SH3KBP1: variants seen among roughly 807,000 people sequenced by gnomAD.
SH3KBP1 encodes the protein SH3 domain containing kinase binding protein 1.
Under a neutral mutation model 50.1 loss-of-function variants are expected in SH3KBP1, and 8 were observed. The observed-to-expected ratio is 0.16, with a 90% CI of 0.09 to 0.29. The LOEUF is 0.29. Ranked by LOEUF, SH3KBP1 falls within the 10% of genes least tolerant of loss-of-function variation. The pLI is 1.00. For missense variants in SH3KBP1, 377 were observed against 535.2 expected (o/e 0.70, Z 2.92); for synonymous variants, 227 against 218.6 (o/e 1.04, Z -0.34).
chrX:19,686,628 G>A (rs1426952031), intron 5 of SH3KBP1, among the ~76,000 whole-genome samples: 1 of 111,065 alleles, frequency 9.0e-6, no homozygotes, highest in Non-Finnish European at 1.9e-5. Context: ...GTGAGGCACA[G>A]GCGGCACCCT....
intron 2 of SH3KBP1, among the ~76,000 whole-genome samples, chrX:19,750,999 C>A (rs1163993738): frequency 9.0e-6 from 1 of 111,564 alleles, no homozygotes; most frequent in Non-Finnish European, 1.9e-5. Context: ...GTACATCTCA[C>A]CTCCTAAGAA....
chrX:19,547,055 G>A (rs2065105405), intron 14 of SH3KBP1, among the ~76,000 whole-genome samples: 1 of 110,233 alleles, frequency 9.1e-6, no homozygotes, highest in South Asian at 4.0e-4. Context: ...GGGAGGCTGA[G>A]GTGGAAGGAT....
chrX:19,539,719 G>A lies in SH3KBP1; in HGVS notation c.1893-1939C>T, dbSNP rs978495987. 2.7e-5 allele frequency among the ~76,000 whole-genome samples: 3 copies of A among 111,891 alleles called. No homozygotes were observed. In the Admixed American group the frequency reaches 2.8e-4, roughly 11 times the overall value. ...GCTTATTTGGGGATAAGGAGAGCTG[G>A]TGTGGACTTGAGTTGAAGGCTAACA... On this transcript the variant is annotated intron_variant, in intron 16 of 17. Coordinates refer to ENST00000397821, the MANE Select transcript of SH3KBP1 (RefSeq NM_031892.3).
intron 1 of SH3KBP1, among the ~76,000 whole-genome samples, chrX:19,858,156 T>G (rs1372147714): frequency 7.2e-5 from 8 of 110,628 alleles, no homozygotes; most frequent in South Asian, 3.8e-4. Context: ...TCCAGGATAG[T>G]TGACAGAGCA....
intron 2 of SH3KBP1, among the ~76,000 whole-genome samples, chrX:19,832,663 C>T (rs983651785): frequency 9.0e-5 from 10 of 110,588 alleles, no homozygotes; most frequent in African/African-American, 3.3e-4. Context: ...CCCCCAATCT[C>T]ACTCGCATCC....
intron 2 of SH3KBP1, among the ~76,000 whole-genome samples, chrX:19,760,250 G>A (rs776240251): frequency 7.3e-5 from 8 of 109,081 alleles, no homozygotes; most frequent in East Asian, 5.7e-4. Context: ...AGCCAGGCGC[G>A]GTGGCAGGCG....
At chrX:19,673,509 C>T (rs1035675514) in intron 6 of SH3KBP1, among the ~76,000 whole-genome samples, 9 of 111,459 alleles carry the variant, frequency 8.1e-5, no homozygotes, top group East Asian at 5.6e-4. Flanking sequence ...ACCCAGGCAA[C>T]GGCGATCCAG....
intron 1 of SH3KBP1, among the ~76,000 whole-genome samples, chrX:19,838,819 G>A (rs1035551709): frequency 2.8e-5 from 3 of 106,337 alleles, no homozygotes; most frequent in Non-Finnish European, 3.9e-5. Context: ...ACCGGAAGGC[G>A]GAGGTTGCGG....
rs150940622 is a variant in SH3KBP1, at chrX:19,772,235, T to G, written c.163-25794A>C. On this transcript the variant is annotated intron_variant, in intron 2 of 17. Coordinates refer to ENST00000397821, the MANE Select transcript of SH3KBP1 (RefSeq NM_031892.3). ...CAATGATGGTGTCCTCTTTAAAAAC[T>G]CAGTTATTACCAACAATAAGAGAGT... Among the ~76,000 whole-genome samples, 8 of 111,782 alleles carry G rather than the reference T, an allele frequency of 7.2e-5. No homozygotes were observed. The East Asian group carries it at 2.2e-3, about 31-fold the overall frequency.
At chrX:19,868,671 A>T (rs192867523) in intron 1 of SH3KBP1, among the ~76,000 whole-genome samples, 2 of 101,674 alleles carry the variant, frequency 2.0e-5, no homozygotes, top group African/African-American at 7.1e-5. Flanking sequence ...TTGTAAATGC[A>T]CTTTTGACTT....
chrX:19,646,399 C>G (rs980253601), intron 6 of SH3KBP1, among the ~76,000 whole-genome samples: 3 of 111,719 alleles, frequency 2.7e-5, no homozygotes, highest in African/African-American at 9.8e-5. Flanking sequence ...GAGGTCTGTT[C>G]CCACTCTTCC....
rs762138687 is a variant in SH3KBP1, at chrX:19,767,887, G to A, written c.163-21446C>T. 2.7e-5 allele frequency among the ~76,000 whole-genome samples: 3 copies of A among 110,684 alleles called. No individual in the cohort carries two copies. The East Asian group carries it at 8.5e-4, about 31-fold the overall frequency. The stretch of plus-strand genomic sequence containing the variant: ...CAACATCCTCCCTCCCCCCACACCA[G>A]TAGAGTAGCTTAGCTTTAGTTCAAG... On this transcript the variant is annotated intron_variant, in intron 2 of 17. Transcript: ENST00000397821.
chrX:19,537,875 C>A, intron 16 of SH3KBP1, 95 bp from the exon 17 acceptor site: 1 of 711,174 alleles, frequency 1.4e-6, no homozygotes, highest in Non-Finnish European at 2.2e-6. Flanking sequence ...TCCATCTGAT[C>A]CTTTTTTACA....
chrX:19,840,447 T>C lies in SH3KBP1; in HGVS notation c.5-4165A>G, dbSNP rs757973734. Among the ~76,000 whole-genome samples the C allele has an allele frequency of 7.1e-5, 8 of 113,004 alleles. No homozygotes were observed. The East Asian group carries it at 2.2e-3, about 31-fold the overall frequency. On this transcript the variant is annotated intron_variant, in intron 1 of 17. Coordinates refer to ENST00000397821, the MANE Select transcript of SH3KBP1 (RefSeq NM_031892.3). ...ATAAATATATTATACAAATTAATTT[T>C]ACCTTTTTAAAATTTTATTAATGTG...
chrX:19,564,449 T>C (rs1279538184), intron 13 of SH3KBP1, among the ~76,000 whole-genome samples: 1 of 111,087 alleles, frequency 9.0e-6, no homozygotes, highest in African/African-American at 3.3e-5. Context: ...CTTTGGCAAA[T>C]ATCTAATCAC....
chrX:19,549,163 C>T (rs2065169852), intron 14 of SH3KBP1, among the ~76,000 whole-genome samples: 1 of 112,177 alleles, frequency 8.9e-6, no homozygotes, highest in African/African-American at 3.2e-5. Flanking sequence ...GGGAGAAAGG[C>T]ACACAACAGA....
intron 1 of SH3KBP1, among the ~76,000 whole-genome samples, chrX:19,855,854 G>A (rs775443385): frequency 1.2e-4 from 13 of 111,025 alleles, no homozygotes; most frequent in Non-Finnish European, 2.1e-4. Flanking sequence ...ATTGAACTGC[G>A]TGCCAGAAAG....
At chrX:19,731,367 G>C (rs753793977) in intron 3 of SH3KBP1, among the ~76,000 whole-genome samples, 2 of 112,288 alleles carry the variant, frequency 1.8e-5, no homozygotes, top group Non-Finnish European at 3.8e-5. Context: ...TTACACAAGT[G>C]AATGTGAAAA....
chrX:19,836,867 G>A (rs1417959046), intron 1 of SH3KBP1, among the ~76,000 whole-genome samples: 1 of 111,746 alleles, frequency 8.9e-6, no homozygotes, highest in East Asian at 2.8e-4. Context: ...TCTTGTGATA[G>A]TGAGTGAGTT....
Sources: gnomAD v4.1 joint callset for allele counts (sites outside exome capture counted in the v4.1 genomes callset) on GRCh38, gnomAD v4.1.1 for gene constraint, MANE v1.5 for transcripts, NCBI Gene and HGNC (gene_info 2026-07-23, HGNC 2026-07-21) for gene names.